The following APBA1 variants were observed in gnomAD, a reference collection of about 807,000 sequenced individuals.
The protein encoded by APBA1 is amyloid-beta A4 precursor protein-binding family A member 1.
A neutral mutation model predicts 86.6 loss-of-function variants in APBA1; 55 were observed. The observed-to-expected ratio is 0.64, with a 90% CI of 0.51 to 0.80. The LOEUF is 0.80. Ranked by LOEUF, APBA1 falls within the 30% of genes least tolerant of loss-of-function variation. The pLI, the probability that APBA1 is intolerant of heterozygous loss-of-function variation, is 0.00. For missense variants in APBA1, 1,090 were observed against 1,183.0 expected (o/e 0.92, Z 1.15); for synonymous variants, 511 against 493.9 (o/e 1.03, Z -0.46).
rs191440566 is a variant in APBA1 at position 69,450,944 on chromosome 9, C to T, written c.1969-1148G>A. Among the ~76,000 whole-genome samples the T allele has an allele frequency of 1.6e-4, 24 of 152,320 alleles. No individual in the cohort carries two copies. In the East Asian group the frequency reaches 3.5e-3, roughly 22 times the overall value. The stretch of plus-strand genomic sequence containing the variant: ...AGGCTTGGAACAGATTCTTCTCTCA[C>T]GGCTCTCAGAAGGAACCAATGCTAA... On this transcript the variant is annotated intron_variant, in intron 9 of 12. Coordinates refer to ENST00000265381, the MANE Select transcript of APBA1 (RefSeq NM_001163.4).
intron 1 of APBA1, among the ~76,000 whole-genome samples, chr9:69,593,002 C>T (rs1822160713): frequency 6.6e-6 from 1 of 152,110 alleles, no homozygotes; most frequent in African/African-American, 2.4e-5. Context: ...AAGGCTTCTG[C>T]AACAAAACAG....
chr9:69,502,598 G>C (rs769751531), intron 2 of APBA1, among the ~76,000 whole-genome samples: 1 of 152,026 alleles, frequency 6.6e-6, no homozygotes, highest in Non-Finnish European at 1.5e-5. Context: ...GACAACTAAA[G>C]TCTCCTAGAG....
chr9:69,468,429 C>T (rs1000766753), intron 4 of APBA1, among the ~76,000 whole-genome samples: 1 of 34,834 alleles, frequency 2.9e-5, no homozygotes, highest in East Asian at 9.7e-4. Flanking sequence ...TATTACTTGC[C>T]CCCCCCCATT....
chr9:69,585,624 A>T (rs1822002606), intron 1 of APBA1, among the ~76,000 whole-genome samples: 1 of 152,108 alleles, frequency 6.6e-6, no homozygotes, highest in Non-Finnish European at 1.5e-5. Flanking sequence ...TGCTGGTGGG[A>T]TTTCTGGAGC....
intron 1 of APBA1, among the ~76,000 whole-genome samples, chr9:69,526,698 C>A (rs1836348239): frequency 6.6e-6 from 1 of 151,946 alleles, no homozygotes; most frequent in African/African-American, 2.4e-5. Flanking sequence ...CCAGCAATCC[C>A]ACTGCTGGGT....
chr9:69,538,719 C>T (rs1248251018), intron 1 of APBA1, among the ~76,000 whole-genome samples: 1 of 152,200 alleles, frequency 6.6e-6, no homozygotes, highest in Non-Finnish European at 1.5e-5. Context: ...CTATAAACTG[C>T]CCAGACTTTG....
chr9:69,487,937 G>A (rs1351081743), intron 2 of APBA1, among the ~76,000 whole-genome samples: 1 of 152,004 alleles, frequency 6.6e-6, no homozygotes, highest in African/African-American at 2.4e-5. Context: ...GGCATTACAA[G>A]GCAAAAACAA....
chr9:69,527,278 C>T (rs1304537164), intron 1 of APBA1, among the ~76,000 whole-genome samples: 2 of 152,108 alleles, frequency 1.3e-5, no homozygotes, highest in South Asian at 2.1e-4. Flanking sequence ...GACTTGAACA[C>T]ATGGTACATT....
At chr9:69,459,527 T>C (rs1835156042) in intron 5 of APBA1, among the ~76,000 whole-genome samples, 2 of 152,254 alleles carry the variant, frequency 1.3e-5, no homozygotes, top group Non-Finnish European at 2.9e-5. Flanking sequence ...TTGTTCTCCC[T>C]TTTTATCTCC....
In APBA1 at chr9:69,532,908, G is replaced by A. The variant is rs114889616; in HGVS notation, c.-69-15629C>T. ...AAAATTACCACTCAGAGGAATTTACGTATATACTCATACTTCATACATAAT... is the reference window on the plus strand; with the variant it reads ...AAAATTACCACTCAGAGGAATTTACATATATACTCATACTTCATACATAAT... On this transcript the variant is annotated intron_variant, in intron 1 of 12. Coordinates refer to ENST00000265381, the MANE Select transcript of APBA1 (RefSeq NM_001163.4). 2.7e-3 allele frequency among the ~76,000 whole-genome samples: 417 copies of A among 152,246 alleles called. 1 individual carries two copies. Among genetic ancestry groups the A allele is most frequent in the African/African-American group, 9.2e-3 (384 of 41,532 alleles).
At chr9:69,551,552 CAAA>C (rs34220920) in intron 1 of APBA1, among the ~76,000 whole-genome samples, 4 of 131,714 alleles carry the variant, frequency 3.0e-5, no homozygotes, top group Non-Finnish European at 4.8e-5. Flanking sequence ...GACTCCGCCT[CAAA>C]AAAAAAAAAA....
Position 69,517,257 on chromosome 9 carries a change from C to T in APBA1, c.-47G>A, listed in dbSNP as rs113814202. The T allele has an allele frequency of 1.4e-6, 2 of 1,419,836 alleles. No individual in the cohort carries two copies. Among genetic ancestry groups the T allele is most frequent in the Non-Finnish European group, 1.8e-6 (2 of 1,089,180 alleles). 88.0% of individuals were successfully genotyped at this position (1,419,836 alleles called of 1,614,324 possible). A position where few individuals can be genotyped will look rare whatever the true frequency, so the allele number is the denominator to read the frequency against. On this transcript the variant is annotated 5_prime_UTR_variant, in exon 2 of 13. Transcript: ENST00000265381. ...GAGAGAAGCTGGGCCCGGCTCACTG[C>T]GCTCTCATTTTGCTCCACTGGGCTG...
At position 69,431,657 on chromosome 9, in the gene APBA1, C is replaced by T. The variant is rs539311985; in HGVS notation, c.2443-259G>A. 3.3e-5 allele frequency among the ~76,000 whole-genome samples: 5 copies of T among 152,238 alleles called. No homozygotes were observed. The South Asian group carries it at 1.0e-3, about 32-fold the overall frequency. On this transcript the variant is annotated intron_variant, in intron 12 of 12. Transcript: ENST00000265381. ...GGCTTATTTCTCAGTCAAATGCTCT[C>T]GCTCTCACCAGACCCTACCCTTTTA...
Position 69,634,806 on chromosome 9 carries a change from G to T in APBA1, c.-70+37347C>A, listed in dbSNP as rs548012434. ...TTTCAGTGGAAACCTCACAGGCCAG[G>T]AGAGAGTGGCATAACATATTTAAAG... On this transcript the variant is annotated intron_variant, in intron 1 of 12. Transcript: ENST00000265381. Among the ~76,000 whole-genome samples, 9 of 150,572 alleles carry T rather than the reference G, an allele frequency of 6.0e-5. No homozygotes were observed. The East Asian group carries it at 1.2e-3, about 20-fold the overall frequency.
intron 10 of APBA1, among the ~76,000 whole-genome samples, chr9:69,445,315 G>A (rs1241640002): frequency 3.3e-5 from 5 of 152,152 alleles, no homozygotes; most frequent in Admixed American, 2.6e-4. Context: ...TTGAAATAAC[G>A]AGACCATGCA....
intron 1 of APBA1, among the ~76,000 whole-genome samples, chr9:69,644,906 G>A (rs1485497305): frequency 1.3e-5 from 2 of 152,158 alleles, no homozygotes; most frequent in Non-Finnish European, 2.9e-5. Flanking sequence ...ATTCAGGGTA[G>A]AAGATGATTA....
chr9:69,551,552 CAA>C (rs34220920), intron 1 of APBA1, among the ~76,000 whole-genome samples: 38 of 131,684 alleles, frequency 2.9e-4, no homozygotes, highest in Admixed American at 4.5e-4. Context: ...GACTCCGCCT[CAA>C]AAAAAAAAAA....
intron 1 of APBA1, among the ~76,000 whole-genome samples, chr9:69,578,042 T>A (rs1174587150): frequency 6.6e-6 from 1 of 152,186 alleles, no homozygotes. Context: ...TTGGCTGTGT[T>A]GAAGGTAAGT....
At chr9:69,439,710 T>G (rs1834774569) in intron 11 of APBA1, among the ~76,000 whole-genome samples, 1 of 152,206 alleles carries the variant, frequency 6.6e-6, no homozygotes, top group Admixed American at 6.5e-5. Context: ...GTTTTTCACT[T>G]CTTTGCCATT....
Sources: gnomAD v4.1 joint callset for allele counts (sites outside exome capture counted in the v4.1 genomes callset) on GRCh38, gnomAD v4.1.1 for gene constraint, MANE v1.5 for transcripts, NCBI Gene and HGNC (gene_info 2026-07-23, HGNC 2026-07-21) for gene names.